Variants in RIMS1 observed in about 807,000 individuals in gnomAD.
The protein encoded by RIMS1 is regulating synaptic membrane exocytosis 1.
Under a neutral mutation model 214.1 loss-of-function variants are expected in RIMS1, and 83 were observed. That is an observed-to-expected ratio of 0.39 (90% CI 0.32 to 0.47). The LOEUF is 0.47. RIMS1 is among the 20% of genes least tolerant of loss of function. The probability of loss-of-function intolerance (pLI) is 0.99; values close to 1 mark genes in which losing one functional copy is unlikely to be tolerated. For missense variants in RIMS1, 2,050 were observed against 2,161.8 expected, an observed-to-expected ratio of 0.95 and a Z score of 1.03; for synonymous variants, 793 against 786.8, an observed-to-expected ratio of 1.01 and a Z score of -0.13.
chr6:72,307,701 C>G (rs550637121), intron 27 of RIMS1, among the ~76,000 whole-genome samples: 31 of 151,980 alleles, frequency 2.0e-4, no homozygotes, highest in African/African-American at 7.5e-4. Context: ...GAGCCGAGAT[C>G]GCACCACTGC....
At chr6:72,073,085 G>A (rs775054197) in intron 2 of RIMS1, among the ~76,000 whole-genome samples, 11 of 152,190 alleles carry the variant, frequency 7.2e-5, no homozygotes, top group Non-Finnish European at 1.3e-4. Flanking sequence ...AGCCCTGACT[G>A]TGGAGCAAAT....
intron 2 of RIMS1, among the ~76,000 whole-genome samples, chr6:71,986,099 C>G (rs1372823734): frequency 6.6e-6 from 1 of 151,234 alleles, no homozygotes; most frequent in East Asian, 1.9e-4. Flanking sequence ...TTATTCAATA[C>G]TTGGGCATAC....
At chr6:71,987,236 T>G (rs1800257933) in intron 2 of RIMS1, among the ~76,000 whole-genome samples, 1 of 152,186 alleles carries the variant, frequency 6.6e-6, no homozygotes, top group Non-Finnish European at 1.5e-5. Flanking sequence ...AGGCTGCTAT[T>G]AAAAAATGCT....
At position 72,403,063 on chromosome 6, in the gene RIMS1, TAATA is replaced by T. The variant is rs2098844335; in HGVS notation, c.*2353_*2356del. The T allele has an allele frequency of 6.6e-6, 1 of 152,232 alleles. No individual in the cohort carries two copies. The highest frequency in any genetic ancestry group is 2.4e-5 in the African/African-American group (1 of 41,456). The allele number at this position is 152,232 out of a possible 1,614,324, so 9.4% of individuals were successfully genotyped here. A position where few individuals can be genotyped will look rare whatever the true frequency, so the allele number is the denominator to read the frequency against. On this transcript the variant is annotated 3_prime_UTR_variant, in exon 34 of 34. Transcript: ENST00000521978. Reference sequence around the variant, plus strand: ...TTCTGAAAAGTGGCATTATTAAAAATAATAAATCTCAGTAAGAATCAAATGGAAG... The same window carrying T: ...TTCTGAAAAGTGGCATTATTAAAAATAATCTCAGTAAGAATCAAATGGAAG...
At chr6:72,068,689 T>C (rs1412589209) in intron 2 of RIMS1, among the ~76,000 whole-genome samples, 4 of 152,026 alleles carry the variant, frequency 2.6e-5, no homozygotes, top group African/African-American at 9.7e-5. Flanking sequence ...TTTGGGAGAC[T>C]GAGGCGGGCG....
intron 2 of RIMS1, among the ~76,000 whole-genome samples, chr6:72,007,619 A>G (rs1193671797): frequency 6.6e-6 from 1 of 152,216 alleles, no homozygotes; most frequent in African/African-American, 2.4e-5. Flanking sequence ...CAATGCAAAG[A>G]AGTCCTTAAA....
At chr6:72,187,163 G>T (rs1169478029) in intron 6 of RIMS1, among the ~76,000 whole-genome samples, 5 of 152,036 alleles carry the variant, frequency 3.3e-5, no homozygotes, top group African/African-American at 4.8e-5. Flanking sequence ...AGGAAGAAAG[G>T]AGGGAAGGAA....
chr6:72,290,311 G>T (rs2093161963), intron 24 of RIMS1, among the ~76,000 whole-genome samples: 1 of 152,138 alleles, frequency 6.6e-6, no homozygotes, highest in Non-Finnish European at 1.5e-5. Flanking sequence ...ACTCATTCAA[G>T]CAACATACCT....
At chr6:71,915,320 T>G (rs902885270) in intron 1 of RIMS1, among the ~76,000 whole-genome samples, 1 of 152,174 alleles carries the variant, frequency 6.6e-6, no homozygotes, top group Non-Finnish European at 1.5e-5. Context: ...CCAACTATGG[T>G]CAGGCTGATC....
At chr6:72,290,563 C>G in intron 24 of RIMS1, 116 bp from the exon 25 acceptor site, 1 of 824,264 alleles carries the variant, frequency 1.2e-6, no homozygotes, top group Non-Finnish European at 1.9e-6. Context: ...GATGGGTTCT[C>G]TTCTTTGAAA....
intron 4 of RIMS1, among the ~76,000 whole-genome samples, chr6:72,178,693 G>A (rs2048046560): frequency 6.6e-6 from 1 of 152,208 alleles, no homozygotes; most frequent in Admixed American, 6.5e-5. Flanking sequence ...GGAGCTGTTA[G>A]CACCTATCTT....
chr6:72,387,020 C>T (rs2154432255), intron 29 of RIMS1, among the ~76,000 whole-genome samples: 1 of 152,234 alleles, frequency 6.6e-6, no homozygotes, highest in East Asian at 1.9e-4. Flanking sequence ...AGGTGTGAGC[C>T]ACTGCGCTCG....
intron 26 of RIMS1, among the ~76,000 whole-genome samples, chr6:72,294,584 C>T (rs931963788): frequency 2.6e-5 from 4 of 151,528 alleles, no homozygotes; most frequent in Non-Finnish European, 5.9e-5. Context: ...TTTCTGGGTA[C>T]AGTTATCTAC....
intron 11 of RIMS1, among the ~76,000 whole-genome samples, chr6:72,246,679 C>G (rs2069936681): frequency 6.6e-6 from 1 of 152,032 alleles, no homozygotes; most frequent in Non-Finnish European, 1.5e-5. Context: ...AAAATGCATA[C>G]CATCATGTTC....
rs1021042033 is a variant in RIMS1, at chr6:72,182,142, C to G, written c.813-142C>G. 6.4e-5 allele frequency: 55 copies of G among 856,544 alleles called. No homozygotes were observed. The African/African-American group carries it at 7.5e-4, about 12-fold the overall frequency. 53.1% of individuals were successfully genotyped at this position (856,544 alleles called of 1,614,324 possible). On this transcript the variant is annotated intron_variant, in intron 5 of 33. Coordinates refer to ENST00000521978, the MANE Select transcript of RIMS1 (RefSeq NM_014989.7). Reference sequence around the variant, plus strand: ...CCTTACCTTGTAAAATTCCAACACCCTTACAGTTCCACCTTCAGATCCAAA... The same window carrying G: ...CCTTACCTTGTAAAATTCCAACACCGTTACAGTTCCACCTTCAGATCCAAA...
intron 6 of RIMS1, among the ~76,000 whole-genome samples, chr6:72,196,349 C>T (rs570015966): frequency 1.5e-5 from 2 of 134,406 alleles, no homozygotes; most frequent in East Asian, 2.0e-4. Context: ...TGGCTATTTC[C>T]TCTGTCTGTC....
At chr6:72,173,517 CTT>C (rs894714654) in intron 4 of RIMS1, among the ~76,000 whole-genome samples, 3 of 151,734 alleles carry the variant, frequency 2.0e-5, no homozygotes, top group African/African-American at 7.2e-5. Context: ...TTTCTTATCT[CTT>C]GTTTTTTCAT....
intron 2 of RIMS1, among the ~76,000 whole-genome samples, chr6:72,007,586 G>A (rs201131125): frequency 6.6e-5 from 10 of 152,172 alleles, no homozygotes; most frequent in South Asian, 2.1e-4. Context: ...AAACAGATTA[G>A]ACGAATGGAT....
intron 6 of RIMS1, among the ~76,000 whole-genome samples, chr6:72,204,267 A>G (rs2052528556): frequency 6.6e-6 from 1 of 152,226 alleles, no homozygotes; most frequent in Admixed American, 6.5e-5. Context: ...CTTGAGGATC[A>G]TACAAAGGTA....
Sources: gnomAD v4.1 joint callset for allele counts (sites outside exome capture counted in the v4.1 genomes callset) on GRCh38, gnomAD v4.1.1 for gene constraint, MANE v1.5 for transcripts, NCBI Gene and HGNC (gene_info 2026-07-23, HGNC 2026-07-21) for gene names.